The following TTC39B variants were observed in gnomAD, a reference collection of about 807,000 sequenced individuals.
TTC39B encodes tetratricopeptide repeat domain 39B, also known as tetratricopeptide repeat protein 39B.
Under a neutral mutation model 96.6 loss-of-function variants are expected in TTC39B, and 92 were observed. The observed-to-expected ratio is 0.95, with a 90% CI of 0.80 to 1.13. TTC39B has a LOEUF of 1.13. Among genes scored for constraint, TTC39B ranks in the 50% most tolerant of loss-of-function variants. TTC39B has a pLI of 0.00. For synonymous variants in TTC39B, 367 were observed against 299.4 expected (o/e 1.23, Z -2.33); for missense variants, 955 against 809.3 (o/e 1.18, Z -2.18).
intron 3 of TTC39B, among the ~76,000 whole-genome samples, chr9:15,216,050 C>T (rs978419893): frequency 1.3e-5 from 2 of 152,082 alleles, no homozygotes; most frequent in South Asian, 2.1e-4. Context: ...CCTCTCTCCT[C>T]GCAGGTCTTC....
chr9:15,177,844 C>A, intron 17 of TTC39B, 30 bp from the exon 18 acceptor site: 3 of 1,240,324 alleles, frequency 2.4e-6, no homozygotes, highest in South Asian at 1.3e-5. Flanking sequence ...AAAGAAAACA[C>A]ACAAAGAAAA....
intron 3 of TTC39B, among the ~76,000 whole-genome samples, chr9:15,222,437 A>G (rs1291470630): frequency 1.3e-5 from 2 of 152,188 alleles, no homozygotes; most frequent in African/African-American, 2.4e-5. Context: ...GAAACTCTGT[A>G]CTCATTAAAC....
chr9:15,172,620 A>G (rs1397491130), intron 19 of TTC39B, among the ~76,000 whole-genome samples: 1 of 152,172 alleles, frequency 6.6e-6, no homozygotes, highest in Non-Finnish European at 1.5e-5. Flanking sequence ...TTGGCCAATA[A>G]TTACATAAGA....
At chr9:15,253,194 T>C (rs1822627169) in intron 2 of TTC39B, among the ~76,000 whole-genome samples, 1 of 152,230 alleles carries the variant, frequency 6.6e-6, no homozygotes, top group South Asian at 2.1e-4. Context: ...AAAGAGACTT[T>C]ATAGATATTA....
At position 15,172,442 on chromosome 9, in the gene TTC39B, C is replaced by T. The variant is rs1188278727; in HGVS notation, c.1959-333G>A. Among the ~76,000 whole-genome samples the T allele has an allele frequency of 2.0e-5, 3 of 152,156 alleles. No homozygotes were observed. The East Asian group carries it at 5.8e-4, about 29-fold the overall frequency. On this transcript the variant is annotated intron_variant, in intron 19 of 19. Transcript: ENST00000512701. ...AACTAGTCCTAAATAATTAGACTTC[C>T]TTTTTTAAATTGGAAAATTTTAAGG...
intron 2 of TTC39B, among the ~76,000 whole-genome samples, chr9:15,266,106 A>C (rs1823120524): frequency 6.6e-6 from 1 of 152,168 alleles, no homozygotes; most frequent in Admixed American, 6.5e-5. Flanking sequence ...AATTGTGAGA[A>C]ATGTACCATG....
intron 1 of TTC39B, among the ~76,000 whole-genome samples, chr9:15,290,900 G>A (rs903975958): frequency 6.6e-6 from 1 of 152,090 alleles, no homozygotes; most frequent in Non-Finnish European, 1.5e-5. Flanking sequence ...CTCTATCTTG[G>A]CAAAATAAAC....
intron 6 of TTC39B, among the ~76,000 whole-genome samples, chr9:15,205,054 G>T (rs1483433734): frequency 6.6e-6 from 1 of 152,188 alleles, no homozygotes; most frequent in African/African-American, 2.4e-5. Context: ...TGCTAAAAAG[G>T]CTCTGCCATG....
At chr9:15,267,636 A>G (rs1823182856) in intron 2 of TTC39B, among the ~76,000 whole-genome samples, 1 of 152,246 alleles carries the variant, frequency 6.6e-6, no homozygotes. Context: ...TGACATAAAT[A>G]TGAACAACTA....
At position 15,189,711 on chromosome 9, in the gene TTC39B, A is replaced by C; in HGVS notation, c.1173+14T>G. 6.2e-7 allele frequency: 1 copy of C among 1,614,088 alleles called. No individual in the cohort carries two copies. Among genetic ancestry groups the C allele is most frequent in the Non-Finnish European group, 8.5e-7 (1 of 1,179,982 alleles). On this transcript the variant is annotated intron_variant, in intron 12 of 19. Coordinates refer to ENST00000512701, the Ensembl canonical transcript of TTC39B. ...ATTATGGTTGAAACATACACTTTGAAATACTGAGCGTACATTTGGAAACTG... is the reference window on the plus strand; with the variant it reads ...ATTATGGTTGAAACATACACTTTGACATACTGAGCGTACATTTGGAAACTG...
At chr9:15,190,714 T>A in intron 10 of TTC39B, 52 bp from the exon 11 acceptor site, 1 of 1,440,904 alleles carries the variant, frequency 6.9e-7, no homozygotes, top group African/African-American at 1.4e-5. Context: ...GAAAATCATA[T>A]TCAGAAACTT....
intron 2 of TTC39B, among the ~76,000 whole-genome samples, chr9:15,252,540 T>A (rs1240066316): frequency 6.6e-6 from 1 of 151,782 alleles, no homozygotes; most frequent in Non-Finnish European, 1.5e-5. Flanking sequence ...CCCAGCTACT[T>A]GGGAGGCTGA....
At chr9:15,204,181 T>C (rs1819708207) in intron 6 of TTC39B, among the ~76,000 whole-genome samples, 1 of 152,160 alleles carries the variant, frequency 6.6e-6, no homozygotes. Context: ...GAAATGAACA[T>C]TTAAAAGCAC....
At chr9:15,172,274 G>T (rs560908243) in intron 19 of TTC39B, among the ~76,000 whole-genome samples, 165 bp from the exon 20 acceptor site, 2 of 152,074 alleles carry the variant, frequency 1.3e-5, no homozygotes, top group South Asian at 4.2e-4. Context: ...GGGGGTTTTG[G>T]GGGGAACTGC....
rs1824772439 is a variant in TTC39B at position 15,306,975 on chromosome 9, G to C, written c.240+109C>G. On this transcript the variant is annotated intron_variant, in intron 1 of 19. Transcript: ENST00000512701. This position sits in a 1 kb window ranked among gnomAD's most constrained non-coding sequence, Gnocchi z 5.1. ...GGCGCCCGCCAGCCCACCCCAGAGA[G>C]GGGACCAAGGGGGCGGGGCCTCGGC... is the stretch of plus-strand genomic sequence containing the variant. The C allele has an allele frequency of 1.2e-5, 18 of 1,495,852 alleles. No homozygotes were observed. Among genetic ancestry groups the C allele is most frequent in the Non-Finnish European group, 1.4e-5 (16 of 1,114,194 alleles). 92.7% of individuals were successfully genotyped at this position (1,495,852 alleles called of 1,614,324 possible).
At chr9:15,206,755 T>C (rs75919692) in intron 6 of TTC39B, among the ~76,000 whole-genome samples, 4,803 of 152,280 alleles carry the variant, frequency 0.032, 102 homozygotes, top group Non-Finnish European at 0.048. Flanking sequence ...TTTATTTTTT[T>C]TATTTATGTA....
At chr9:15,204,493 C>T (rs966064847) in intron 6 of TTC39B, among the ~76,000 whole-genome samples, 2 of 151,224 alleles carry the variant, frequency 1.3e-5, no homozygotes, top group Non-Finnish European at 2.9e-5. Context: ...TGCGCCATTG[C>T]ACTCCAGCCC....
chr9:15,265,481 C>G (rs949554305), intron 2 of TTC39B, among the ~76,000 whole-genome samples: 3 of 152,240 alleles, frequency 2.0e-5, no homozygotes, highest in Non-Finnish European at 4.4e-5. Context: ...ATCCCCTGGA[C>G]TGTGATCACC....
At chr9:15,243,544 A>T (rs371548238) in intron 2 of TTC39B, among the ~76,000 whole-genome samples, 1 of 152,234 alleles carries the variant, frequency 6.6e-6, no homozygotes, top group Non-Finnish European at 1.5e-5. Context: ...GCACTTTCGT[A>T]AGAACCAAAA....
Sources: gnomAD v4.1 joint callset for allele counts (sites outside exome capture counted in the v4.1 genomes callset) on GRCh38, gnomAD v4.1.1 for gene constraint, Gnocchi (gnomAD v3.1) non-coding constraint, MANE v1.5 for transcripts, NCBI Gene and HGNC (gene_info 2026-07-23, HGNC 2026-07-21) for gene names.